JPH3: variants seen among roughly 807,000 people sequenced by gnomAD.
JPH3 encodes the protein junctophilin 3, also known as junctophilin-3.
In JPH3, 11 loss-of-function variants were observed where a neutral mutation model predicts 59.6. The ratio of observed to expected loss-of-function variants is 0.18; its 90% CI spans 0.12 to 0.31. The LOEUF is 0.31. JPH3 is among the 10% of genes least tolerant of loss of function. The pLI is 1.00. For missense variants in JPH3, 1,202 were observed against 1,105.7 expected, an observed-to-expected ratio of 1.09 and a Z score of -1.24; for synonymous variants, 673 against 483.6, an observed-to-expected ratio of 1.39 and a Z score of -5.14.
rs536552163 is a variant in JPH3 at position 87,638,737 on chromosome 16, C to T, written c.383-5521C>T. On this transcript the variant is annotated intron_variant, in intron 1 of 4. Coordinates refer to ENST00000284262, the MANE Select transcript of JPH3 (RefSeq NM_020655.4). Reference sequence around the variant, plus strand: ...CCATGTCTGTAGAGAGGCTTCTCTGCTTCCCCTCCTGTAGAATGGGAACGA... The same window carrying T: ...CCATGTCTGTAGAGAGGCTTCTCTGTTTCCCCTCCTGTAGAATGGGAACGA... Among the ~76,000 whole-genome samples, 20 of 152,282 alleles carry T rather than the reference C, an allele frequency of 1.3e-4. No homozygotes were observed. In the East Asian group the frequency reaches 3.9e-3, roughly 29 times the overall value.
intron 2 of JPH3, among the ~76,000 whole-genome samples, chr16:87,678,471 A>G (rs1030192642): frequency 2.6e-5 from 4 of 151,792 alleles, no homozygotes; most frequent in Non-Finnish European, 5.9e-5. Flanking sequence ...CCTGTGAGAA[A>G]GAGGTTGCAG....
At chr16:87,623,247 C>T (rs1168743138) in intron 1 of JPH3, among the ~76,000 whole-genome samples, 1 of 152,236 alleles carries the variant, frequency 6.6e-6, no homozygotes, top group Non-Finnish European at 1.5e-5. Flanking sequence ...CCCCCAAGGC[C>T]TGGCTGACAC....
intron 3 of JPH3, among the ~76,000 whole-genome samples, chr16:87,686,712 G>C (rs1394982008): frequency 1.3e-5 from 2 of 151,952 alleles, no homozygotes; most frequent in African/African-American, 4.8e-5. Flanking sequence ...CTCAGTCCTG[G>C]ATTCAGAGGA....
At chr16:87,631,507 C>T (rs1169068475) in intron 1 of JPH3, among the ~76,000 whole-genome samples, 1 of 152,140 alleles carries the variant, frequency 6.6e-6, no homozygotes, top group East Asian at 1.9e-4. Flanking sequence ...TTTTATGTTT[C>T]TCTGGAAGCA....
chr16:87,649,110 G>A (rs2032247451), intron 2 of JPH3, among the ~76,000 whole-genome samples: 1 of 152,220 alleles, frequency 6.6e-6, no homozygotes, highest in Admixed American at 6.5e-5. Flanking sequence ...GTTCCGTCTG[G>A]GTGAGACCCT....
chr16:87,602,886 C>T lies in JPH3; in HGVS notation c.-261C>T, dbSNP rs887597855. 9.7e-6 allele frequency: 3 copies of T among 309,648 alleles called. No individual in the cohort carries two copies. The highest frequency in any genetic ancestry group is 1.8e-5 in the Non-Finnish European group (3 of 169,936). The allele number at this position is 309,648 out of a possible 1,614,324, so 19.2% of individuals were successfully genotyped here. ...TCCCTCCTCCCCTCCCCCTCCCCTC[C>T]GGTCCTGTCTCCAGCGGGAGCGCGA... On this transcript the variant is annotated 5_prime_UTR_variant, in exon 1 of 5. Coordinates refer to ENST00000284262, the MANE Select transcript of JPH3 (RefSeq NM_020655.4).
At chr16:87,645,156 G>T in intron 2 of JPH3, 121 bp downstream of exon 2, 1 of 1,031,160 alleles carries the variant, frequency 9.7e-7, no homozygotes, top group Non-Finnish European at 1.4e-6. Flanking sequence ...GCCTACACTG[G>T]TGTTTCTCAA....
chr16:87,624,136 C>CTGGCTTTTAAAAAATACAGCT (rs2031285117), intron 1 of JPH3, among the ~76,000 whole-genome samples: 2 of 152,222 alleles, frequency 1.3e-5, no homozygotes, highest in Non-Finnish European at 2.9e-5. Context: ...TCCAGTAAGT[C>CTGGCTTTTAAAAAATACAGCT]TGGCTTTTAA....
intron 2 of JPH3, among the ~76,000 whole-genome samples, chr16:87,682,177 T>C (rs2150873621): frequency 6.6e-6 from 1 of 152,308 alleles, no homozygotes; most frequent in Admixed American, 6.5e-5. Flanking sequence ...CACGTGTTCT[T>C]GGCTGTGGTT....
Position 87,696,931 on chromosome 16 carries a change from C to G in JPH3, c.*271C>G. The G allele has an allele frequency of 6.7e-6, 3 of 446,802 alleles. No homozygotes were observed. Among genetic ancestry groups the G allele is most frequent in the South Asian group, 6.5e-5 (3 of 46,108 alleles). 27.7% of individuals were successfully genotyped at this position (446,802 alleles called of 1,614,324 possible). On this transcript the variant is annotated 3_prime_UTR_variant, in exon 5 of 5. Transcript: ENST00000284262. ...CCAGCACGCAGCCCCTCCAGCTCCACGTGGAGACAGAAGGGATCCCGGCAC... is the reference window on the plus strand; with the variant it reads ...CCAGCACGCAGCCCCTCCAGCTCCAGGTGGAGACAGAAGGGATCCCGGCAC...
intron 3 of JPH3, among the ~76,000 whole-genome samples, chr16:87,688,099 C>T (rs1050102409): frequency 3.3e-5 from 5 of 152,200 alleles, no homozygotes; most frequent in East Asian, 1.9e-4. Flanking sequence ...CTTCTCTGGC[C>T]CATTCCCTGC....
At position 87,689,782 on chromosome 16, in the gene JPH3, C is replaced by T; in HGVS notation, c.1422C>T (p.Asp474=). ...GTTPSDLTPD[D]SPLQSFPTSP... The stretch of plus-strand genomic sequence containing the variant: ...CTCCCTCCGACCTGACCCCCGACGA[C>T]AGCCCCCTGCAGAGCTTCCCCACCA... The change falls in exon 4 of 5, where the codon GAC becomes GAT. Residue 474 remains aspartate, a synonymous_variant. Transcript: ENST00000284262. 1.2e-6 allele frequency: 2 copies of T among 1,605,960 alleles called. No individual in the cohort carries two copies. The highest frequency in any genetic ancestry group is 2.2e-5 in the South Asian group (2 of 90,614).
chr16:87,695,689 G>A, intron 4 of JPH3: 1 of 453,830 alleles, frequency 2.2e-6, no homozygotes, highest in Non-Finnish European at 4.4e-6. Context: ...ACCCACCCCT[G>A]CCGTCCTGGG....
intron 3 of JPH3, among the ~76,000 whole-genome samples, chr16:87,688,419 T>A (rs2142831389): frequency 6.6e-6 from 1 of 152,172 alleles, no homozygotes; most frequent in East Asian, 1.9e-4. Flanking sequence ...GACTATCTGG[T>A]GCCACACCGA....
chr16:87,645,025 G>A lies in JPH3; in HGVS notation c.1150G>A (p.Ala384Thr), dbSNP rs770586627. The A allele has an allele frequency of 1.9e-5, 31 of 1,602,042 alleles. No homozygotes were observed. Among genetic ancestry groups the A allele is most frequent in the African/African-American group, 2.7e-5 (2 of 74,838 alleles). Reference protein sequence around the residue: ...ATIAKQKAEIAASRTSHSRAK... With the variant: ...ATIAKQKAEITASRTSHSRAK... Reference sequence around the variant, plus strand: ...CATCGCCAAGCAGAAGGCTGAGATCGCGGCTTCCAGGTAGGAGGGCGAGGG... The same window carrying A: ...CATCGCCAAGCAGAAGGCTGAGATCACGGCTTCCAGGTAGGAGGGCGAGGG... Residue 384 changes from alanine (A) to threonine (T), a missense_variant, in exon 2 of 5, where the codon GCG (alanine) becomes ACG (threonine). Transcript: ENST00000284262.
chr16:87,645,677 G>A (rs1251187343), intron 2 of JPH3, among the ~76,000 whole-genome samples: 1 of 152,212 alleles, frequency 6.6e-6, no homozygotes, highest in Non-Finnish European at 1.5e-5. Context: ...GTGACTGTGG[G>A]TGGGATCGAC....
intron 2 of JPH3, among the ~76,000 whole-genome samples, chr16:87,661,883 T>C (rs1001080022): frequency 6.6e-6 from 1 of 152,160 alleles, no homozygotes; most frequent in African/African-American, 2.4e-5. Context: ...AAGCCTGGGG[T>C]ATTTCATTGC....
chr16:87,632,307 C>T (rs1210543207), intron 1 of JPH3, among the ~76,000 whole-genome samples: 1 of 152,244 alleles, frequency 6.6e-6, no homozygotes, highest in African/African-American at 2.4e-5. Context: ...AGTCCTCCCC[C>T]ACCCTCCTCT....
chr16:87,675,887 A>G (rs749498983), intron 2 of JPH3, among the ~76,000 whole-genome samples: 4 of 152,150 alleles, frequency 2.6e-5, no homozygotes, highest in African/African-American at 7.2e-5. Context: ...GGCTGCCTGC[A>G]CCTCTGCCCT....
Sources: gnomAD v4.1 joint callset for allele counts (sites outside exome capture counted in the v4.1 genomes callset) on GRCh38, gnomAD v4.1.1 for gene constraint, MANE v1.5 for transcripts, NCBI Gene and HGNC (gene_info 2026-07-23, HGNC 2026-07-21) for gene names.